Variants in ASIC2 observed in about 807,000 individuals in gnomAD.
The protein encoded by ASIC2 is acid-sensing ion channel 2.
A neutral mutation model predicts 57.3 loss-of-function variants in ASIC2; 25 were observed. The ratio of observed to expected loss-of-function variants is 0.44; its 90% CI spans 0.32 to 0.61. The LOEUF (loss-of-function observed/expected upper bound fraction) is 0.61. Among genes scored for constraint, ASIC2 ranks in the 20% least tolerant of loss-of-function variants. The pLI, the probability that ASIC2 is intolerant of heterozygous loss-of-function variation, is 0.06. For missense variants in ASIC2, 641 were observed against 738.1 expected (o/e 0.87, Z 1.52); for synonymous variants, 319 against 307.5 (o/e 1.04, Z -0.39).
chr17:33,803,589 T>C (rs1447347496), intron 1 of ASIC2, among the ~76,000 whole-genome samples: 1 of 148,110 alleles, frequency 6.8e-6, no homozygotes, highest in Non-Finnish European at 1.5e-5. Flanking sequence ...CCCTTTTCTT[T>C]TTTTTTTTTT....
chr17:33,203,644 G>A (rs1213463119), intron 1 of ASIC2, among the ~76,000 whole-genome samples: 1 of 152,152 alleles, frequency 6.6e-6, no homozygotes, highest in Middle Eastern at 3.2e-3. Context: ...TATTCTCGGG[G>A]TTGGCAATGT....
At chr17:33,845,980 C>T (rs190045986) in intron 1 of ASIC2, among the ~76,000 whole-genome samples, 29 of 152,148 alleles carry the variant, frequency 1.9e-4, no homozygotes, top group East Asian at 7.7e-4. Flanking sequence ...TTCGTATTGG[C>T]GAGGGGACTT....
intron 1 of ASIC2, among the ~76,000 whole-genome samples, chr17:33,601,421 G>GTAC (rs1905112537): frequency 6.6e-6 from 1 of 152,210 alleles, no homozygotes. Context: ...TTTTGGCACA[G>GTAC]TACTCTTTGG....
In ASIC2 at chr17:33,691,087, T is replaced by G. The variant is rs571009096; in HGVS notation, c.555+464891A>C. Among the ~76,000 whole-genome samples, 9 of 152,308 alleles carry G rather than the reference T, an allele frequency of 5.9e-5. No homozygotes were observed. In the South Asian group the frequency reaches 1.9e-3, roughly 32 times the overall value. On this transcript the variant is annotated intron_variant, in intron 1 of 9. Transcript: ENST00000359872. ...TTCATTCTTAACAGTTAAATAGCAT[T>G]TCATTATCTGGATGGACTAATTTAT...
At chr17:33,081,953 G>T (rs2092114567) in intron 3 of ASIC2, among the ~76,000 whole-genome samples, 2 of 152,302 alleles carry the variant, frequency 1.3e-5, no homozygotes, top group Middle Eastern at 3.4e-3. Context: ...AGTCTAAACA[G>T]GCTAGAGAGG....
chr17:33,935,904 T>G (rs1470184944), intron 1 of ASIC2: 2 of 152,216 alleles, frequency 1.3e-5, no homozygotes, highest in Non-Finnish European at 2.9e-5. Context: ...CTCAAAGTTA[T>G]CAATTAAGCT....
At chr17:33,894,261 T>C (rs930674700) in intron 1 of ASIC2, among the ~76,000 whole-genome samples, 30 of 151,818 alleles carry the variant, frequency 2.0e-4, no homozygotes, top group African/African-American at 7.0e-4. Flanking sequence ...GGATAATGGA[T>C]GGGAAAGCCT....
intron 1 of ASIC2, among the ~76,000 whole-genome samples, chr17:33,756,273 GAC>G (rs1217476310): frequency 1.3e-5 from 2 of 152,350 alleles, no homozygotes; most frequent in East Asian, 3.9e-4. Flanking sequence ...GACAGCTGCT[GAC>G]AGAGTCACCT....
intron 3 of ASIC2, among the ~76,000 whole-genome samples, chr17:33,081,488 C>T (rs2092112803): frequency 6.6e-6 from 1 of 152,034 alleles, no homozygotes; most frequent in Admixed American, 6.6e-5. Context: ...TAGATGCTTC[C>T]ATATTTATGC....
At chr17:33,443,622 T>TA (rs1911909277) in intron 1 of ASIC2, among the ~76,000 whole-genome samples, 1 of 150,874 alleles carries the variant, frequency 6.6e-6, no homozygotes, top group Admixed American at 6.6e-5. Flanking sequence ...TTCACCGTTT[T>TA]AGCCGGGATG....
chr17:34,093,732 T>C (rs1910417468), intron 1 of ASIC2, among the ~76,000 whole-genome samples: 1 of 152,182 alleles, frequency 6.6e-6, no homozygotes, highest in African/African-American at 2.4e-5. Flanking sequence ...CCTTGGCCAT[T>C]CTAGTTAATC....
chr17:33,164,787 T>C (rs1395471309), intron 1 of ASIC2, among the ~76,000 whole-genome samples: 1 of 152,152 alleles, frequency 6.6e-6, no homozygotes, highest in African/African-American at 2.4e-5. Context: ...GGCAAAGGAC[T>C]TCAGAATGCC....
chr17:33,444,186 A>G (rs117755055), intron 1 of ASIC2, among the ~76,000 whole-genome samples: 2,542 of 152,306 alleles, frequency 0.017, 38 homozygotes, highest in Admixed American at 0.025. Context: ...TGTTTCAGAG[A>G]AAGGATTTAT....
intron 1 of ASIC2, among the ~76,000 whole-genome samples, chr17:34,075,601 T>C (rs1470983530): frequency 1.3e-5 from 2 of 152,114 alleles, no homozygotes; most frequent in Admixed American, 6.6e-5. Flanking sequence ...GCAGTACATA[T>C]GGCACCACAT....
At chr17:33,565,139 T>A (rs1320596858) in intron 1 of ASIC2, among the ~76,000 whole-genome samples, 1 of 152,134 alleles carries the variant, frequency 6.6e-6, no homozygotes, top group Non-Finnish European at 1.5e-5. Flanking sequence ...CCGACTGAGT[T>A]GGTCTCGGCA....
chr17:33,591,911 C>G (rs775595978), intron 1 of ASIC2, among the ~76,000 whole-genome samples: 1 of 152,206 alleles, frequency 6.6e-6, no homozygotes, highest in Non-Finnish European at 1.5e-5. Context: ...ATCTCAGGGT[C>G]TGTTCCTAGA....
At chr17:33,549,072 G>A (rs989887124) in intron 1 of ASIC2, among the ~76,000 whole-genome samples, 2 of 152,084 alleles carry the variant, frequency 1.3e-5, no homozygotes, top group Non-Finnish European at 2.9e-5. Context: ...GAACATATAT[G>A]CTATGAAGGC....
intron 1 of ASIC2, among the ~76,000 whole-genome samples, chr17:33,160,630 ACTG>A (rs1324028127): frequency 2.0e-5 from 3 of 151,700 alleles, no homozygotes; most frequent in African/African-American, 4.8e-5. Flanking sequence ...GGCAGCAGAG[ACTG>A]CTATTTCTTT....
chr17:33,167,456 C>T lies in ASIC2; in HGVS notation c.709-55389G>A, dbSNP rs941846498. The stretch of plus-strand genomic sequence containing the variant: ...TGTCATTTCTCACCTGGATCATTGT[C>T]GCAGCCTTTGAATTGTTTCTGCCCT... On this transcript the variant is annotated intron_variant, in intron 1 of 9. Transcript: ENST00000225823. Among the ~76,000 whole-genome samples the T allele has an allele frequency of 2.9e-4, 44 of 152,290 alleles. 1 individual carries two copies. The highest frequency in any genetic ancestry group is 8.7e-4 in the African/African-American group (36 of 41,550).
Sources: gnomAD v4.1 joint callset for allele counts (sites outside exome capture counted in the v4.1 genomes callset) on GRCh38, gnomAD v4.1.1 for gene constraint, MANE v1.5 for transcripts, NCBI Gene and HGNC (gene_info 2026-07-23, HGNC 2026-07-21) for gene names.